Variants in MGAT5B observed in about 807,000 individuals in gnomAD.
The protein encoded by MGAT5B is alpha-1,6-mannosylglycoprotein 6-beta-N-acetylglucosaminyltransferase B, also known as N-acetylglucosaminyl-transferase Vb.
In MGAT5B, 54 loss-of-function variants were observed where a neutral mutation model predicts 95.1. The ratio of observed to expected loss-of-function variants is 0.57; its 90% CI spans 0.46 to 0.71. The LOEUF is 0.71. Ranked by LOEUF, MGAT5B falls within the 30% of genes least tolerant of loss-of-function variation. The probability of loss-of-function intolerance (pLI) is 0.00; values close to 1 mark genes in which losing one functional copy is unlikely to be tolerated. For missense variants in MGAT5B, 935 were observed against 1,088.6 expected, an observed-to-expected ratio of 0.86 and a Z score of 1.99; for synonymous variants, 464 against 451.0, an observed-to-expected ratio of 1.03 and a Z score of -0.36.
chr17:76,929,694 G>A (rs1353879580), intron 10 of MGAT5B, among the ~76,000 whole-genome samples: 4 of 152,200 alleles, frequency 2.6e-5, no homozygotes, highest in African/African-American at 9.7e-5. Flanking sequence ...ATGGCACAGA[G>A]TCCAGGAAGG....
intron 16 of MGAT5B, 146 bp downstream of exon 16, chr17:76,946,596 A>C (rs1220817740): frequency 5.8e-6 from 4 of 690,834 alleles, no homozygotes; most frequent in Non-Finnish European, 8.7e-6. Context: ...CTCTTCCCAG[A>C]GTTCCCTCAG....
In MGAT5B at chr17:76,882,279, C is replaced by A. The variant is rs139403699; in HGVS notation, c.310C>A (p.Leu104Met). The A allele has an allele frequency of 1.2e-6, 2 of 1,612,386 alleles. No homozygotes were observed. The highest frequency in any genetic ancestry group is 2.2e-5 in the South Asian group (2 of 90,896). ...SSELHRAGGD[L>M]HFPADRMPPG... is the part of the protein sequence containing the mutation. ...TGAGCTGCACCGGGCCGGCGGCGAC[C>A]TGCACTTTCCCGCAGACAGGTGAGG... Residue 104 changes from leucine (L) to methionine (M), a missense_variant, in exon 3 of 18, where the codon CTG becomes ATG. This residue lies in a region of MGAT5B where 243 missense variants were observed against 228.2 expected (regional missense o/e 1.06). Coordinates refer to ENST00000569840, the MANE Select transcript of MGAT5B (RefSeq NM_001199172.2).
At chr17:76,886,351 C>T (rs962756738) in intron 3 of MGAT5B, among the ~76,000 whole-genome samples, 34 of 152,260 alleles carry the variant, frequency 2.2e-4, no homozygotes, top group Admixed American at 1.4e-3. Flanking sequence ...ACCTGGGCGG[C>T]CTTGGGCTCT....
At chr17:76,936,725 C>T (rs1368423145) in intron 12 of MGAT5B, among the ~76,000 whole-genome samples, 4 of 152,164 alleles carry the variant, frequency 2.6e-5, no homozygotes, top group Non-Finnish European at 5.9e-5. Context: ...ATGTTTTGCA[C>T]CTTTGTCGAA....
rs1376593571 is a variant in MGAT5B, at chr17:76,940,307, A to C, written c.1585-95A>C. On this transcript the variant is annotated intron_variant, in intron 13 of 17. Transcript: ENST00000569840. This position sits in a 1 kb window ranked among gnomAD's most constrained non-coding sequence, Gnocchi z 4.3. ...CTCCAGGCCCAGCTGCCTCCTGTGA[A>C]TATCCCGAAGCCTCACCTTGTCCCC... 1.4e-6 allele frequency: 2 copies of C among 1,418,588 alleles called. No individual in the cohort carries two copies. 87.9% of individuals were successfully genotyped at this position (1,418,588 alleles called of 1,614,324 possible).
chr17:76,912,675 A>G lies in MGAT5B; in HGVS notation c.1025+6488A>G, dbSNP rs1241098511. Reference sequence around the variant, plus strand: ...GCTCACTGGAGTGACGTTTGGGGCAATGTGCAGGATCTACATCTGGCTTTG... The same window carrying G: ...GCTCACTGGAGTGACGTTTGGGGCAGTGTGCAGGATCTACATCTGGCTTTG... On this transcript the variant is annotated intron_variant, in intron 8 of 17. Coordinates refer to ENST00000569840, the MANE Select transcript of MGAT5B (RefSeq NM_001199172.2). This position sits in a 1 kb window ranked among gnomAD's most constrained non-coding sequence, Gnocchi z 5.0. Among the ~76,000 whole-genome samples, 2 of 152,072 alleles carry G rather than the reference A, an allele frequency of 1.3e-5. No homozygotes were observed. Among genetic ancestry groups the G allele is most frequent in the Non-Finnish European group, 2.9e-5 (2 of 67,996 alleles).
In MGAT5B at chr17:76,872,106, C is replaced by T. The variant is rs185409529; in HGVS notation, c.69-745C>T. 7.6e-4 allele frequency among the ~76,000 whole-genome samples: 116 copies of T among 152,300 alleles called. 2 individuals carry two copies. The highest frequency in any genetic ancestry group is 2.7e-3 in the African/African-American group (113 of 41,568). On this transcript the variant is annotated intron_variant, in intron 1 of 17. Coordinates refer to ENST00000569840, the MANE Select transcript of MGAT5B (RefSeq NM_001199172.2). The stretch of plus-strand genomic sequence containing the variant: ...CAGCACACACACCTATATGACACCC[C>T]TTGCACAGGTATGAGGACACCCTGG...
intron 3 of MGAT5B, among the ~76,000 whole-genome samples, chr17:76,882,705 CTTTTTTTT>C (rs763528809): frequency 2.8e-5 from 2 of 70,178 alleles, no homozygotes; most frequent in Non-Finnish European, 4.9e-5. Flanking sequence ...TCCACTGCCC[CTTTTTTTT>C]TTTTTTTTTT....
Position 76,905,186 on chromosome 17 carries a change from C to T in MGAT5B, c.708C>T (p.Asn236=), listed in dbSNP as rs769787579. 1.9e-5 allele frequency: 31 copies of T among 1,611,252 alleles called. No homozygotes were observed. Among genetic ancestry groups the T allele is most frequent in the African/African-American group, 2.7e-5 (2 of 74,900 alleles). ...CCCTCCAGGCAGTTTTCCGAAGCAA[C>T]CTGTCCCACCTTCTGGACCTGATGG... ...LPKVQAVFRS[N]LSHLLDLMGS... The change falls in exon 7 of 18, where the codon AAC becomes AAT. Residue 236 remains asparagine (N), a synonymous_variant. Transcript: ENST00000569840. The surrounding 1 kb of genome is among the most constrained non-coding windows in gnomAD (Gnocchi z 4.2).
chr17:76,926,456 G>A, intron 9 of MGAT5B, 141 bp from the exon 10 acceptor site: 1 of 783,800 alleles, frequency 1.3e-6, no homozygotes, highest in Non-Finnish European at 2.0e-6. Context: ...GCAGGGCAGT[G>A]TCCTAGTCCA....
rs1297010355 is a variant in MGAT5B at position 76,912,535 on chromosome 17, T to C, written c.1025+6348T>C. Reference sequence around the variant, plus strand: ...ACAAAGACGCGGCTTGTACATTTGTTGTAGTTTATTCGCAGATGTTCACGG... The same window carrying C: ...ACAAAGACGCGGCTTGTACATTTGTCGTAGTTTATTCGCAGATGTTCACGG... On this transcript the variant is annotated intron_variant, in intron 8 of 17. Transcript: ENST00000569840. The surrounding 1 kb of genome is among the most constrained non-coding windows in gnomAD (Gnocchi z 5.0). Among the ~76,000 whole-genome samples the C allele has an allele frequency of 1.2e-4, 18 of 152,014 alleles. No individual in the cohort carries two copies. The highest frequency in any genetic ancestry group is 1.2e-3 in the Admixed American group (18 of 15,264).
intron 16 of MGAT5B, among the ~76,000 whole-genome samples, chr17:76,947,328 G>A (rs1970062360): frequency 6.6e-6 from 1 of 152,206 alleles, no homozygotes; most frequent in South Asian, 2.1e-4. Flanking sequence ...AGTGTATTCA[G>A]GTGAGGGGGT....
chr17:76,911,440 G>A (rs1031863570), intron 8 of MGAT5B, among the ~76,000 whole-genome samples: 1 of 152,192 alleles, frequency 6.6e-6, no homozygotes, highest in Non-Finnish European at 1.5e-5. Context: ...TTGGTTGCTA[G>A]AGTGTGGCTT....
intron 3 of MGAT5B, among the ~76,000 whole-genome samples, chr17:76,898,180 A>G (rs911435068): frequency 3.3e-5 from 5 of 152,186 alleles, no homozygotes; most frequent in Non-Finnish European, 5.9e-5. Context: ...TAGGTTACAT[A>G]GGATATTTCT....
rs902373725 is a variant in MGAT5B, at chr17:76,938,416, A to T, written c.1584+273A>T. On this transcript the variant is annotated intron_variant, in intron 13 of 17. Coordinates refer to ENST00000569840, the MANE Select transcript of MGAT5B (RefSeq NM_001199172.2). The surrounding 1 kb of genome is among the most constrained non-coding windows in gnomAD (Gnocchi z 4.3). ...ATGGGGAAGTAGAGTTGGACTGCCC[A>T]TCCTCCCCCTTGCAGTACCAGTCCA... is the stretch of plus-strand genomic sequence containing the variant. Among the ~76,000 whole-genome samples, 1 of 152,168 alleles carries T rather than the reference A, an allele frequency of 6.6e-6. No homozygotes were observed. Among genetic ancestry groups the T allele is most frequent in the Non-Finnish European group, 1.5e-5 (1 of 68,020 alleles).
chr17:76,937,944 T>C, intron 12 of MGAT5B, 44 bp from the exon 13 acceptor site: 1 of 1,604,904 alleles, frequency 6.2e-7, no homozygotes, highest in Non-Finnish European at 8.5e-7. Context: ...CTTTGCCTTC[T>C]GTGGTTTGCA....
Position 76,939,029 on chromosome 17 carries a change from G to GGGTGT in MGAT5B, c.1584+887_1584+888insGTGTG, listed in dbSNP as rs1237086611. ...AGCTTGTTTCCCAAGGCATCTTGGG[G>GGGTGT]GTGTGTGTGTGTGTGTGTGTGTGTG... On this transcript the variant is annotated intron_variant, in intron 13 of 17. Transcript: ENST00000569840. 2.0e-3 allele frequency among the ~76,000 whole-genome samples: 261 copies of GGGTGT among 128,250 alleles called. 2 individuals are homozygous for GGGTGT. Among genetic ancestry groups the GGGTGT allele is most frequent in the Middle Eastern group, 0.016 (4 of 252 alleles). 84.1% of individuals were successfully genotyped at this position (128,250 alleles called of 152,430 possible). A position where few individuals can be genotyped will look rare whatever the true frequency, so the allele number is the denominator to read the frequency against.
rs564629697 is a variant in MGAT5B, at chr17:76,883,078, A to G, written c.329+780A>G. On this transcript the variant is annotated intron_variant, in intron 3 of 17. Coordinates refer to ENST00000569840, the MANE Select transcript of MGAT5B (RefSeq NM_001199172.2). ...AGTGGCACGATCTTGGCTCACTGCAACCTCTGCCTCCCAGGTTCAAGTGAT... is the reference window on the plus strand; with the variant it reads ...AGTGGCACGATCTTGGCTCACTGCAGCCTCTGCCTCCCAGGTTCAAGTGAT... 1.3e-4 allele frequency among the ~76,000 whole-genome samples: 19 copies of G among 151,776 alleles called. No homozygotes were observed. In the East Asian group the frequency reaches 3.5e-3, roughly 28 times the overall value.
At chr17:76,897,066 C>T (rs1257720305) in intron 3 of MGAT5B, among the ~76,000 whole-genome samples, 1 of 152,240 alleles carries the variant, frequency 6.6e-6, no homozygotes, top group East Asian at 1.9e-4. Context: ...CAGGCGCACA[C>T]CACCATGCCC....
Sources: gnomAD v4.1 joint callset for allele counts (sites outside exome capture counted in the v4.1 genomes callset) on GRCh38, gnomAD v4.1.1 for gene constraint, gnomAD v4.1.1 regional missense constraint, Gnocchi (gnomAD v3.1) non-coding constraint, MANE v1.5 for transcripts, NCBI Gene and HGNC (gene_info 2026-07-23, HGNC 2026-07-21) for gene names.